Variants in CACNA1B observed in about 807,000 individuals in gnomAD.
CACNA1B encodes the protein voltage-dependent N-type calcium channel subunit alpha-1B.
CACNA1B carries 70 observed loss-of-function variants against 247.2 expected under a neutral mutation model. That is an observed-to-expected ratio of 0.28 (90% CI 0.23 to 0.35). The LOEUF (loss-of-function observed/expected upper bound fraction) is 0.35. Among genes scored for constraint, CACNA1B ranks in the 10% least tolerant of loss-of-function variants. The pLI, the probability that CACNA1B is intolerant of heterozygous loss-of-function variation, is 1.00. For synonymous variants in CACNA1B, 1,231 were observed against 1,294.4 expected, an observed-to-expected ratio of 0.95 and a Z score of 1.05; for missense variants, 2,367 against 3,197.4, an observed-to-expected ratio of 0.74 and a Z score of 6.26.
intron 15 of CACNA1B, among the ~76,000 whole-genome samples, chr9:137,989,176 G>A (rs919882971): frequency 6.6e-6 from 1 of 152,184 alleles, no homozygotes; most frequent in African/African-American, 2.4e-5. Flanking sequence ...GGGTAAAGGG[G>A]GAACCAGTTA....
intron 10 of CACNA1B, among the ~76,000 whole-genome samples, chr9:137,964,096 G>T (rs1447445282): frequency 6.6e-6 from 1 of 152,172 alleles, no homozygotes; most frequent in Non-Finnish European, 1.5e-5. Context: ...CAGGTGACCT[G>T]GCCTTTCTCT....
intron 36 of CACNA1B, among the ~76,000 whole-genome samples, chr9:138,087,755 GA>G (rs1426980747): frequency 5.2e-5 from 7 of 134,434 alleles, no homozygotes; most frequent in Admixed American, 7.4e-5. Context: ...AAAAAGAGAA[GA>G]AAAAAATATT....
At chr9:137,886,753 C>A (rs1278431143) in intron 3 of CACNA1B, among the ~76,000 whole-genome samples, 1 of 151,560 alleles carries the variant, frequency 6.6e-6, no homozygotes, top group South Asian at 2.1e-4. Context: ...GCGGCATGGG[C>A]GTGCCCCAGA....
At chr9:138,049,375 G>C in intron 24 of CACNA1B, 60 bp downstream of exon 24, 2 of 1,096,744 alleles carry the variant, frequency 1.8e-6, no homozygotes, top group Non-Finnish European at 2.8e-6. Flanking sequence ...ATGGGCGTGA[G>C]GGTGAGGGAA....
At chr9:137,959,198 G>A (rs557348292) in intron 10 of CACNA1B, among the ~76,000 whole-genome samples, 47 of 152,170 alleles carry the variant, frequency 3.1e-4, no homozygotes, top group South Asian at 2.1e-3. Context: ...TCAGCAACCC[G>A]AGTAGCTGGG....
intron 21 of CACNA1B, among the ~76,000 whole-genome samples, chr9:138,046,093 T>C (rs1041946612): frequency 6.6e-6 from 1 of 152,184 alleles, no homozygotes; most frequent in African/African-American, 2.4e-5. Context: ...ACTCTCACGT[T>C]GTGGCTCTGC....
rs35407113 is a variant in CACNA1B at position 137,908,992 on chromosome 9, C to CTT, written c.531-4174_531-4173dup. On this transcript the variant is annotated intron_variant, in intron 3 of 46. Transcript: ENST00000371372. ...ATAACATGAAGTTTTCTGTTTTAAC[C>CTT]TTTTTTTTTTTTTTTGAGACAGAAT... Among the ~76,000 whole-genome samples the CTT allele has an allele frequency of 5.6e-4, 75 of 135,030 alleles. No individual in the cohort carries two copies. In the East Asian group the frequency reaches 7.2e-3, roughly 13 times the overall value. The allele number at this position is 135,030 out of a possible 152,430, so 88.6% of individuals were successfully genotyped here.
rs1226623166 is a variant in CACNA1B at position 137,880,964 on chromosome 9, C to T, written c.391-1780C>T. On this transcript the variant is annotated intron_variant, in intron 2 of 46. Coordinates refer to ENST00000371372, the MANE Select transcript of CACNA1B (RefSeq NM_000718.4). This position sits in a 1 kb window ranked among gnomAD's most constrained non-coding sequence, Gnocchi z 4.8. ...AGCTTGCAGTGCAACACCAAGCTGCCTGCACACCCATCCCTCCCACCTAAG... is the reference window on the plus strand; with the variant it reads ...AGCTTGCAGTGCAACACCAAGCTGCTTGCACACCCATCCCTCCCACCTAAG... Among the ~76,000 whole-genome samples the T allele has an allele frequency of 6.6e-6, 1 of 152,230 alleles. No individual in the cohort carries two copies. The highest frequency in any genetic ancestry group is 1.5e-5 in the Non-Finnish European group (1 of 68,032).
At chr9:137,993,882 A>G (rs1266317106) in intron 15 of CACNA1B, among the ~76,000 whole-genome samples, 1 of 152,130 alleles carries the variant, frequency 6.6e-6, no homozygotes, top group Non-Finnish European at 1.5e-5. Context: ...AAACCAGGGA[A>G]GGACATAACC....
chr9:138,103,128 C>A (rs1263297573), intron 38 of CACNA1B, among the ~76,000 whole-genome samples: 3 of 152,190 alleles, frequency 2.0e-5, no homozygotes, highest in African/African-American at 7.2e-5. Flanking sequence ...CCTTCCTTTC[C>A]TAGGAATGAG....
At chr9:137,992,272 C>T (rs1231716590) in intron 15 of CACNA1B, among the ~76,000 whole-genome samples, 1 of 151,990 alleles carries the variant, frequency 6.6e-6, no homozygotes, top group African/African-American at 2.4e-5. Context: ...AGACTAAAAG[C>T]GAGCAGGAAT....
intron 12 of CACNA1B, among the ~76,000 whole-genome samples, chr9:137,979,991 T>TA (rs1292232624): frequency 1.3e-5 from 2 of 152,236 alleles, no homozygotes; most frequent in East Asian, 3.9e-4. Flanking sequence ...GATTCATTGT[T>TA]ACAGACAGGA....
chr9:138,112,706 G>C (rs977829379), intron 40 of CACNA1B, among the ~76,000 whole-genome samples: 3 of 152,222 alleles, frequency 2.0e-5, no homozygotes, highest in Admixed American at 2.0e-4. Flanking sequence ...GCGTGGGTTT[G>C]TTGTGTTGAG....
chr9:137,964,200 G>A (rs1434260160), intron 10 of CACNA1B, among the ~76,000 whole-genome samples: 1 of 152,112 alleles, frequency 6.6e-6, no homozygotes, highest in Non-Finnish European at 1.5e-5. Context: ...GTATTTTACT[G>A]GGGCTCTCTG....
intron 6 of CACNA1B, among the ~76,000 whole-genome samples, chr9:137,946,603 A>G (rs553505115): frequency 6.9e-4 from 95 of 137,600 alleles, no homozygotes; most frequent in African/African-American, 2.5e-3. Context: ...AAAAACTGAG[A>G]AAAAAAAAAA....
intron 12 of CACNA1B, among the ~76,000 whole-genome samples, chr9:137,982,314 G>A (rs1004943987): frequency 1.1e-4 from 16 of 152,276 alleles, no homozygotes; most frequent in African/African-American, 3.9e-4. Flanking sequence ...GCTGCTGGCA[G>A]GCCTCTGTTC....
intron 10 of CACNA1B, among the ~76,000 whole-genome samples, chr9:137,964,398 T>C (rs1958052679): frequency 6.6e-6 from 1 of 152,226 alleles, no homozygotes; most frequent in African/African-American, 2.4e-5. Flanking sequence ...CTTTCCACTC[T>C]TTTTTCTCTG....
Position 138,058,478 on chromosome 9 carries a change from G to T in CACNA1B, c.4309-91G>T. Reference sequence around the variant, plus strand: ...TTGTCTTCTGTTGTCAGGGCTCCCTGTGAGGCCTGGCGAGACAGGGCTGGG... The same window carrying T: ...TTGTCTTCTGTTGTCAGGGCTCCCTTTGAGGCCTGGCGAGACAGGGCTGGG... On this transcript the variant is annotated intron_variant, in intron 28 of 46. Coordinates refer to ENST00000371372, the MANE Select transcript of CACNA1B (RefSeq NM_000718.4). This position sits in a 1 kb window ranked among gnomAD's most constrained non-coding sequence, Gnocchi z 4.7. The T allele has an allele frequency of 8.1e-7, 1 of 1,240,080 alleles. No individual in the cohort carries two copies. The highest frequency in any genetic ancestry group is 1.1e-6 in the Non-Finnish European group (1 of 885,406). 76.8% of individuals were successfully genotyped at this position (1,240,080 alleles called of 1,614,324 possible). A position where few individuals can be genotyped will look rare whatever the true frequency, so the allele number is the denominator to read the frequency against.
chr9:138,043,229 G>A (rs916839720), intron 20 of CACNA1B, among the ~76,000 whole-genome samples: 2 of 152,166 alleles, frequency 1.3e-5, no homozygotes, highest in African/African-American at 4.8e-5. Flanking sequence ...AGGGAGCAGG[G>A]CCTGAGCAGA....
Sources: allele counts gnomAD v4.1 joint callset (sites outside exome capture counted in the v4.1 genomes callset), GRCh38; gene constraint gnomAD v4.1.1; non-coding constraint Gnocchi (gnomAD v3.1); transcripts MANE v1.5; gene names NCBI Gene and HGNC (gene_info 2026-07-23, HGNC 2026-07-21).